Variants in SLC13A1 observed in about 807,000 individuals in gnomAD.
SLC13A1 encodes solute carrier family 13 member 1, also known as Na(+)/sulfate cotransporter.
In SLC13A1, 65 loss-of-function variants were observed where a neutral mutation model predicts 70.0. That is an observed-to-expected ratio of 0.93 (90% CI 0.76 to 1.14). The LOEUF (loss-of-function observed/expected upper bound fraction) is 1.14, where lower values mean the gene tolerates loss of function less well. Ranked by LOEUF, SLC13A1 falls within the 50% of genes most tolerant of loss-of-function variation. The probability of loss-of-function intolerance (pLI) is 0.00; values close to 1 mark genes in which losing one functional copy is unlikely to be tolerated. For missense variants in SLC13A1, 726 were observed against 717.8 expected, an observed-to-expected ratio of 1.01 and a Z score of -0.13; for synonymous variants, 275 against 250.5, an observed-to-expected ratio of 1.10 and a Z score of -0.92.
At chr7:123,133,428 C>T (rs114470874) in intron 8 of SLC13A1, among the ~76,000 whole-genome samples, 1 of 150,182 alleles carries the variant, frequency 6.7e-6, no homozygotes, top group Non-Finnish European at 1.5e-5. Context: ...CTTAAAATTC[C>T]CCTTTAACAA....
chr7:123,123,027 G>T, intron 12 of SLC13A1, 99 bp downstream of exon 12: 1 of 956,426 alleles, frequency 1.0e-6, no homozygotes, highest in Non-Finnish European at 1.7e-6. Flanking sequence ...ACATTAAAAT[G>T]ACAGAGTGAA....
Position 123,181,020 on chromosome 7 carries a change from G to A in SLC13A1, c.181C>T (p.Leu61=), listed in dbSNP as rs765971222. Residue 61 remains leucine, a synonymous_variant, in exon 2 of 15, where the codon CTA becomes TTA. Coordinates refer to ENST00000194130, the MANE Select transcript of SLC13A1 (RefSeq NM_022444.4). ...EALPLSVTAL[L]PSLMLPMFGI... ...AACATGGGTAACATTAAACTAGGTA[G>A]CAAAGCTGTTACCGACAGAGGCAAT... The A allele has an allele frequency of 2.5e-6, 4 of 1,612,578 alleles. No individual in the cohort carries two copies. In the African/African-American group the frequency reaches 4.0e-5, roughly 16 times the overall value.
chr7:123,123,383 T>C, intron 11 of SLC13A1, 148 bp from the exon 12 acceptor site: 1 of 581,008 alleles, frequency 1.7e-6, no homozygotes, highest in East Asian at 2.8e-5. Flanking sequence ...GTTTGAGTAA[T>C]TTCCACCTGG....
chr7:123,139,005 A>G (rs2470973), intron 7 of SLC13A1, among the ~76,000 whole-genome samples: 92,121 of 151,864 alleles, frequency 0.61, 28,127 homozygotes, highest in African/African-American at 0.67. Context: ...CCTATGTAGT[A>G]GAGAGTTTAA....
chr7:123,153,844 A>G (rs770231449), intron 6 of SLC13A1, among the ~76,000 whole-genome samples: 1 of 152,154 alleles, frequency 6.6e-6, no homozygotes, highest in South Asian at 2.1e-4. Context: ...ATATTTCTAC[A>G]TATACACATG....
intron 6 of SLC13A1, 29 bp from the exon 7 acceptor site, chr7:123,147,339 G>A: frequency 6.2e-7 from 1 of 1,609,188 alleles, no homozygotes; most frequent in Non-Finnish European, 8.5e-7. Flanking sequence ...AAACTACCAT[G>A]AGAACTGCTC....
At chr7:123,182,473 C>A (rs1795670094) in intron 1 of SLC13A1, among the ~76,000 whole-genome samples, 1 of 152,120 alleles carries the variant, frequency 6.6e-6, no homozygotes, top group African/African-American at 2.4e-5. Flanking sequence ...TGCCCCTCCA[C>A]CCACTTCCTC....
At chr7:123,141,789 T>C (rs1387991831) in intron 7 of SLC13A1, among the ~76,000 whole-genome samples, 1 of 152,136 alleles carries the variant, frequency 6.6e-6, no homozygotes, top group Non-Finnish European at 1.5e-5. Context: ...TATATTTTTC[T>C]ATCTCTTTAT....
intron 7 of SLC13A1, among the ~76,000 whole-genome samples, chr7:123,136,272 A>C (rs1314799259): frequency 1.3e-5 from 2 of 152,216 alleles, no homozygotes; most frequent in African/African-American, 4.8e-5. Flanking sequence ...ATAGTTTTAG[A>C]AAAATGAAAG....
chr7:123,123,294 C>T, intron 11 of SLC13A1, 59 bp from the exon 12 acceptor site: 3 of 1,051,518 alleles, frequency 2.9e-6, no homozygotes, highest in South Asian at 1.3e-5. Flanking sequence ...ATGACATTTG[C>T]TTCAGCATCC....
At chr7:123,167,771 T>A (rs1201839723) in intron 6 of SLC13A1, among the ~76,000 whole-genome samples, 1 of 152,042 alleles carries the variant, frequency 6.6e-6, no homozygotes, top group African/African-American at 2.4e-5. Context: ...CTGCATTGAT[T>A]TTTTTTAGTG....
intron 13 of SLC13A1, among the ~76,000 whole-genome samples, chr7:123,117,822 T>C (rs1793234674): frequency 6.6e-6 from 1 of 151,926 alleles, no homozygotes; most frequent in Admixed American, 6.6e-5. Context: ...ACTTAAACAT[T>C]ACAGTCCAGT....
At chr7:123,152,945 C>T (rs928182526) in intron 6 of SLC13A1, among the ~76,000 whole-genome samples, 1 of 152,000 alleles carries the variant, frequency 6.6e-6, no homozygotes, top group African/African-American at 2.4e-5. Flanking sequence ...ATAGGAAAGA[C>T]TTCAAACACA....
chr7:123,148,650 G>C (rs1239127481), intron 6 of SLC13A1: 2 of 314,486 alleles, frequency 6.4e-6, no homozygotes, highest in Non-Finnish European at 1.2e-5. Context: ...GTTATGTTTA[G>C]TCAGGAGAAT....
At position 123,115,898 on chromosome 7, in the gene SLC13A1, G is replaced by T. The variant is rs577873781; in HGVS notation, c.1651-243C>A. Among the ~76,000 whole-genome samples the T allele has an allele frequency of 2.6e-5, 4 of 152,172 alleles. No homozygotes were observed. In the East Asian group the frequency reaches 7.7e-4, roughly 29 times the overall value. On this transcript the variant is annotated intron_variant, in intron 14 of 14. Coordinates refer to ENST00000194130, the MANE Select transcript of SLC13A1 (RefSeq NM_022444.4). ...TTAACTCGTCATTTCTTAAATCCAG[G>T]GGTTCTTCTCCATTCGTAGCAAGAG... is the stretch of plus-strand genomic sequence containing the variant.
At position 123,188,450 on chromosome 7, in the gene SLC13A1, G is replaced by A. The variant is rs528035477; in HGVS notation, c.100-7349C>T. Among the ~76,000 whole-genome samples the A allele has an allele frequency of 4.7e-4, 71 of 152,094 alleles. 1 individual carries two copies. Among genetic ancestry groups the A allele is most frequent in the African/African-American group, 1.6e-3 (67 of 41,500 alleles). ...CCATTTCACCATCCTTGGTATATGG[G>A]ATTAATTTATTCATTTGACAGTCTG... On this transcript the variant is annotated intron_variant, in intron 1 of 14. Coordinates refer to ENST00000194130, the MANE Select transcript of SLC13A1 (RefSeq NM_022444.4).
chr7:123,132,099 G>C (rs1227382316), intron 8 of SLC13A1, among the ~76,000 whole-genome samples: 1 of 152,150 alleles, frequency 6.6e-6, no homozygotes, highest in African/African-American at 2.4e-5. Context: ...TTAGTATGCA[G>C]CTGGCCTCTC....
At chr7:123,146,450 A>T (rs1794353459) in intron 7 of SLC13A1, among the ~76,000 whole-genome samples, 1 of 152,160 alleles carries the variant, frequency 6.6e-6, no homozygotes, top group African/African-American at 2.4e-5. Context: ...ACTTGGCAAA[A>T]GTTGCAGTGA....
At chr7:123,120,524 C>A (rs1236890137) in intron 12 of SLC13A1, among the ~76,000 whole-genome samples, 9 of 151,912 alleles carry the variant, frequency 5.9e-5, no homozygotes, top group Admixed American at 5.9e-4. Flanking sequence ...CTGTGTTTCT[C>A]CCCCACATGG....
Sources: gnomAD v4.1 joint callset for allele counts (sites outside exome capture counted in the v4.1 genomes callset) on GRCh38, gnomAD v4.1.1 for gene constraint, MANE v1.5 for transcripts, NCBI Gene and HGNC (gene_info 2026-07-23, HGNC 2026-07-21) for gene names.